The following KIF26A variants were observed in gnomAD, a reference collection of about 807,000 sequenced individuals.
The protein encoded by KIF26A is kinesin family member 26A, also known as kinesin-like protein KIF26A.
KIF26A carries 74 observed loss-of-function variants against 126.0 expected under a neutral mutation model. That is an observed-to-expected ratio of 0.59 (90% CI 0.49 to 0.71). The LOEUF (loss-of-function observed/expected upper bound fraction) is 0.71. KIF26A is among the 30% of genes least tolerant of loss of function. KIF26A has a pLI of 0.00. For missense variants in KIF26A, 2,984 were observed against 2,763.3 expected (o/e 1.08, Z -1.79); for synonymous variants, 1,445 against 1,232.7 (o/e 1.17, Z -3.61).
chr14:104,141,086 T>G (rs1227936371), intron 2 of KIF26A, among the ~76,000 whole-genome samples: 2 of 152,224 alleles, frequency 1.3e-5, no homozygotes, highest in Non-Finnish European at 2.9e-5. Context: ...TGTGCGGGCC[T>G]GGGCTGTCCC....
chr14:104,150,416 G>A (rs1433060588), intron 2 of KIF26A, among the ~76,000 whole-genome samples: 2 of 151,914 alleles, frequency 1.3e-5, no homozygotes, highest in Non-Finnish European at 2.9e-5. Flanking sequence ...GATGGGGGTC[G>A]CCTTTTCATG....
At position 104,176,417 on chromosome 14, in the gene KIF26A, T is replaced by TC; in HGVS notation, c.3634dup (p.Arg1212ProfsTer29). The TC allele has an allele frequency of 1.3e-6, 2 of 1,592,824 alleles. No individual in the cohort carries two copies. The highest frequency in any genetic ancestry group is 1.7e-6 in the Non-Finnish European group (2 of 1,166,488). ...GCAGCCCAGACCATCCACTCCAGCCTCCCCCGGAAACCGAGGACTGCCTCT... is the reference window on the plus strand; with the variant it reads ...GCAGCCCAGACCATCCACTCCAGCCTCCCCCCGGAAACCGAGGACTGCCTCT... On this transcript the variant is annotated frameshift_variant, in exon 12 of 15. Transcript: ENST00000423312. LOFTEE classifies it high-confidence loss of function.
chr14:104,166,222 G>T (rs1171708576), intron 4 of KIF26A, among the ~76,000 whole-genome samples: 1 of 152,150 alleles, frequency 6.6e-6, no homozygotes, highest in African/African-American at 2.4e-5. Flanking sequence ...TGGCTCTAGG[G>T]CCTTGGTGAT....
At chr14:104,139,583 GA>G (rs2037617391) in intron 2 of KIF26A, among the ~76,000 whole-genome samples, 1 of 152,202 alleles carries the variant, frequency 6.6e-6, no homozygotes, top group Admixed American at 6.5e-5. Flanking sequence ...GTGGGAGGAG[GA>G]GGGGAGAGAG....
chr14:104,178,138 C>T (rs748983434), intron 12 of KIF26A, among the ~76,000 whole-genome samples: 4 of 152,236 alleles, frequency 2.6e-5, no homozygotes, highest in Non-Finnish European at 5.9e-5. Context: ...CCCCACCCTG[C>T]CCTGGGGGGC....
chr14:104,176,536 T>C lies in KIF26A; in HGVS notation c.3748T>C (p.Cys1250Arg). The C allele has an allele frequency of 6.2e-7, 1 of 1,604,502 alleles. No individual in the cohort carries two copies. The highest frequency in any genetic ancestry group is 8.5e-7 in the Non-Finnish European group (1 of 1,179,548). Residue 1250 changes from cysteine (C) to arginine (R), a missense_variant, in exon 12 of 15, where the codon TGT becomes CGT. Transcript: ENST00000423312. ...EDPWLLRVGE[C>R]DTQAASAGRA... ...CCCATGGCTGCTCCGGGTAGGGGAG[T>C]GTGATACCCAGGCAGCTTCTGCTGG...
intron 2 of KIF26A, among the ~76,000 whole-genome samples, chr14:104,141,945 T>A (rs1271113404): frequency 6.6e-6 from 1 of 152,186 alleles, no homozygotes; most frequent in Non-Finnish European, 1.5e-5. Flanking sequence ...CCGGAAGGGA[T>A]GCACTCTCAC....
intron 3 of KIF26A, among the ~76,000 whole-genome samples, chr14:104,155,777 G>A (rs1401897755): frequency 5.9e-5 from 9 of 152,244 alleles, no homozygotes; most frequent in Non-Finnish European, 8.8e-5. Context: ...CCGCAGGCCT[G>A]TACCGTTGCT....
intron 5 of KIF26A, among the ~76,000 whole-genome samples, chr14:104,167,404 G>A (rs1488959577): frequency 6.6e-6 from 1 of 152,154 alleles, no homozygotes; most frequent in Non-Finnish European, 1.5e-5. Context: ...CCCTGAGGGG[G>A]CTGGGGGCAG....
At position 104,173,101 on chromosome 14, in the gene KIF26A, C is replaced by T. The variant is rs369538661; in HGVS notation, c.1545C>T (p.Ser515=). The change falls in exon 8 of 15, where the codon TCC becomes TCT. Residue 515 remains serine (S), a synonymous_variant. Coordinates refer to ENST00000423312, the MANE Select transcript of KIF26A (RefSeq NM_015656.2). ...ERRERTGTRF[S]VRVSAVEVCG... ...GGGAGAGGACGGGCACCCGCTTCTC[C>T]GTCCGGGTCTCAGCCGTGGAGGTGT... 77 of 1,606,024 alleles carry T rather than the reference C, an allele frequency of 4.8e-5. No homozygotes were observed. In the Middle Eastern group the frequency reaches 8.3e-4, roughly 17 times the overall value.
intron 10 of KIF26A, 136 bp from the exon 11 acceptor site, chr14:104,174,012 G>A (rs1479918918): frequency 2.8e-5 from 39 of 1,388,316 alleles, no homozygotes; most frequent in Non-Finnish European, 3.7e-5. Flanking sequence ...CGCTGCCCGT[G>A]GGCTGCCTGG....
At chr14:104,141,631 G>A (rs867783440) in intron 2 of KIF26A, among the ~76,000 whole-genome samples, 9 of 146,118 alleles carry the variant, frequency 6.2e-5, no homozygotes, top group Non-Finnish European at 1.5e-5. Flanking sequence ...GCCTGTCTCC[G>A]TTGTAGAGGG....
intron 3 of KIF26A, among the ~76,000 whole-genome samples, chr14:104,153,056 G>A (rs1383928517): frequency 6.6e-6 from 1 of 152,170 alleles, no homozygotes; most frequent in Admixed American, 6.5e-5. Context: ...CTCCAGGCCT[G>A]GTGGTGTTTC....
intron 3 of KIF26A, among the ~76,000 whole-genome samples, chr14:104,154,837 G>T (rs1407870983): frequency 6.6e-6 from 1 of 152,236 alleles, no homozygotes; most frequent in Non-Finnish European, 1.5e-5. Context: ...TGGAGGTGTT[G>T]ACGGTGGCCC....
intron 4 of KIF26A, among the ~76,000 whole-genome samples, chr14:104,164,736 TGTGC>T (rs1263928783): frequency 1.1e-4 from 16 of 150,752 alleles, no homozygotes; most frequent in South Asian, 6.3e-4. Context: ...TGTCTGTGTG[TGTGC>T]GCGTGTCTGT....
intron 2 of KIF26A, among the ~76,000 whole-genome samples, chr14:104,140,083 C>T (rs2037623524): frequency 6.6e-6 from 1 of 152,196 alleles, no homozygotes; most frequent in Non-Finnish European, 1.5e-5. Flanking sequence ...GAAAGAGTTC[C>T]TGGGAAGTCC....
At chr14:104,142,641 C>T (rs971654853) in intron 2 of KIF26A, among the ~76,000 whole-genome samples, 2 of 152,158 alleles carry the variant, frequency 1.3e-5, no homozygotes, top group Admixed American at 6.5e-5. Context: ...GCCTCCCATT[C>T]AGCAGGCAAA....
intron 4 of KIF26A, among the ~76,000 whole-genome samples, chr14:104,162,470 G>A (rs893419714): frequency 6.6e-6 from 1 of 152,218 alleles, no homozygotes; most frequent in Non-Finnish European, 1.5e-5. Flanking sequence ...GGCCGACGGG[G>A]CAAAGGGCCA....
chr14:104,176,351 C>G lies in KIF26A; in HGVS notation c.3563C>G (p.Pro1188Arg). ...GTGGCTGCAGTGGCCCCATCCCGAC[C>G]CGGCAGGGAGCCCCAGGCCGGGCCC... is the stretch of plus-strand genomic sequence containing the variant. ...GEVAAVAPSR[P>R]GREPQAGPSR... Residue 1188 changes from proline (P) to arginine (R), a missense_variant, in exon 12 of 15, where the codon CCC (proline) becomes CGC (arginine). Transcript: ENST00000423312. 6.3e-7 allele frequency: 1 copy of G among 1,582,490 alleles called. No individual in the cohort carries two copies. The highest frequency in any genetic ancestry group is 8.6e-7 in the Non-Finnish European group (1 of 1,161,208).
Sources: allele counts gnomAD v4.1 joint callset (sites outside exome capture counted in the v4.1 genomes callset), GRCh38; gene constraint gnomAD v4.1.1; transcripts MANE v1.5; gene names NCBI Gene and HGNC (gene_info 2026-07-23, HGNC 2026-07-21).